Variants in PAPOLG observed in about 807,000 individuals in gnomAD.
PAPOLG encodes the protein PAP-gamma.
Under a neutral mutation model 99.0 loss-of-function variants are expected in PAPOLG, and 40 were observed. The ratio of observed to expected loss-of-function variants is 0.40; its 90% CI spans 0.31 to 0.53. The LOEUF (loss-of-function observed/expected upper bound fraction) is 0.53. PAPOLG is among the 20% of genes least tolerant of loss of function. The pLI is 0.41. For missense variants in PAPOLG, 675 were observed against 884.1 expected (o/e 0.76, Z 3.00); for synonymous variants, 310 against 299.3 (o/e 1.04, Z -0.37).
chr2:60,776,900 T>G (rs919871349), intron 8 of PAPOLG, among the ~76,000 whole-genome samples: 2 of 152,240 alleles, frequency 1.3e-5, no homozygotes, highest in Non-Finnish European at 2.9e-5. Context: ...TGTAGCCACC[T>G]TCATCAATGA....
At chr2:60,758,233 A>G (rs1670408587) in intron 1 of PAPOLG, among the ~76,000 whole-genome samples, 1 of 152,138 alleles carries the variant, frequency 6.6e-6, no homozygotes, top group Non-Finnish European at 1.5e-5. Flanking sequence ...AATCTTTAAA[A>G]AGAAATTACC....
At chr2:60,779,423 T>C in intron 8 of PAPOLG, 1 of 479,224 alleles carries the variant, frequency 2.1e-6, no homozygotes, top group East Asian at 3.2e-5. Flanking sequence ...TAGCAATTTA[T>C]GGTTTACTAA....
chr2:60,782,590 G>A (rs1436644440), intron 11 of PAPOLG, 96 bp from the exon 12 acceptor site: 2 of 1,351,822 alleles, frequency 1.5e-6, no homozygotes, highest in Non-Finnish European at 1.9e-6. Context: ...GTCTGGTGGA[G>A]TTTGAGATTT....
intron 10 of PAPOLG, 75 bp from the exon 11 acceptor site, chr2:60,781,810 C>T: frequency 1.9e-6 from 3 of 1,582,202 alleles, no homozygotes; most frequent in African/African-American, 1.3e-5. Flanking sequence ...TCATATTCTT[C>T]AGACTTTTGG....
rs1437646604 is a variant in PAPOLG, at chr2:60,801,661, A to ACTC, written c.*4504_*4506dup. The ACTC allele has an allele frequency of 1.3e-5, 2 of 151,624 alleles. No homozygotes were observed. The highest frequency in any genetic ancestry group is 2.4e-5 in the African/African-American group (1 of 41,214). 9.4% of individuals were successfully genotyped at this position (151,624 alleles called of 1,614,324 possible). On this transcript the variant is annotated 3_prime_UTR_variant, in exon 22 of 22. Transcript: ENST00000238714. Reference sequence around the variant, plus strand: ...AACATGTTGGCCAGGCTGGTCTCAAACTCCTGACCTCCAGTGATGCACCCG... The same window carrying ACTC: ...AACATGTTGGCCAGGCTGGTCTCAAACTCCTCCTGACCTCCAGTGATGCACCCG...
chr2:60,758,459 C>G (rs1316277316), intron 1 of PAPOLG, among the ~76,000 whole-genome samples: 1 of 130,218 alleles, frequency 7.7e-6, no homozygotes, highest in South Asian at 2.3e-4. Flanking sequence ...CGGAGTTTCG[C>G]TCTTGTTGCC....
intron 3 of PAPOLG, among the ~76,000 whole-genome samples, chr2:60,763,337 C>G (rs1011950093): frequency 1.3e-5 from 2 of 152,112 alleles, no homozygotes; most frequent in African/African-American, 4.8e-5. Context: ...TGACCTCAGC[C>G]TCCCAAAGTG....
chr2:60,758,062 A>G (rs1369532293), intron 1 of PAPOLG, among the ~76,000 whole-genome samples: 1 of 152,192 alleles, frequency 6.6e-6, no homozygotes, highest in Middle Eastern at 3.2e-3. Context: ...TATCTGTAAA[A>G]TGGCACTTAT....
At chr2:60,778,094 C>T (rs1461700944) in intron 8 of PAPOLG, among the ~76,000 whole-genome samples, 1 of 152,184 alleles carries the variant, frequency 6.6e-6, no homozygotes, top group East Asian at 1.9e-4. Context: ...AACTCAGTAT[C>T]TGTGAAGTGT....
At chr2:60,764,531 C>T (rs1261057100) in intron 3 of PAPOLG, among the ~76,000 whole-genome samples, 1 of 151,800 alleles carries the variant, frequency 6.6e-6, no homozygotes, top group African/African-American at 2.4e-5. Context: ...GTCCTCCCAA[C>T]CTCCCCACCT....
At chr2:60,756,972 C>T (rs761548203) in intron 1 of PAPOLG, among the ~76,000 whole-genome samples, 5 of 152,006 alleles carry the variant, frequency 3.3e-5, no homozygotes, top group Non-Finnish European at 5.9e-5. Context: ...GTCTTTTCAC[C>T]GCCGTCCCCA....
intron 13 of PAPOLG, among the ~76,000 whole-genome samples, chr2:60,783,500 C>CTTTTTTTTTTTTTTTTTTTTTTTTT (rs761205449): frequency 4.4e-5 from 2 of 45,362 alleles, no homozygotes; most frequent in Admixed American, 2.5e-4. Context: ...TTTACCCGGC[C>CTTTTTTTTTTTTTTTTTTTTTTTTT]TTTTTTTTTT....
At chr2:60,772,178 C>T (rs1354109877) in intron 7 of PAPOLG, among the ~76,000 whole-genome samples, 3 of 151,854 alleles carry the variant, frequency 2.0e-5, no homozygotes, top group Non-Finnish European at 4.4e-5. Context: ...GCGTGGTGGC[C>T]CACGCCTGTA....
At chr2:60,757,939 G>T (rs1367832943) in intron 1 of PAPOLG, among the ~76,000 whole-genome samples, 1 of 152,172 alleles carries the variant, frequency 6.6e-6, no homozygotes, top group Non-Finnish European at 1.5e-5. Flanking sequence ...AAAAAAGTGA[G>T]GCCCGTCATC....
At chr2:60,788,662 A>G (rs577323686) in intron 15 of PAPOLG, among the ~76,000 whole-genome samples, 86 of 152,234 alleles carry the variant, frequency 5.6e-4, no homozygotes, top group African/African-American at 2.0e-3. Context: ...AGCTCTTTGT[A>G]TGTACAACCG....
chr2:60,793,801 C>A, intron 18 of PAPOLG, 86 bp downstream of exon 18: 1 of 1,502,246 alleles, frequency 6.7e-7, no homozygotes, highest in Non-Finnish European at 9.0e-7. Context: ...GTCCTAGCTA[C>A]TGGGGAGGCT....
rs566903515 is a variant in PAPOLG at position 60,772,144 on chromosome 2, CAT to C, written c.604+518_604+519del. On this transcript the variant is annotated intron_variant, in intron 7 of 21. Transcript: ENST00000238714. ...GATTGTAATATTTTGTTTTGGTTAACATATAAGAATAAAATCTGGCCGGGCGT... is the reference window on the plus strand; with the variant it reads ...GATTGTAATATTTTGTTTTGGTTAACATAAGAATAAAATCTGGCCGGGCGT... 4.2e-4 allele frequency among the ~76,000 whole-genome samples: 64 copies of C among 151,712 alleles called. No homozygotes were observed. In the South Asian group the frequency reaches 0.012, roughly 29 times the overall value.
At chr2:60,793,947 T>A (rs768849501) in intron 18 of PAPOLG, 24 bp from the exon 19 acceptor site, 1 of 1,590,446 alleles carries the variant, frequency 6.3e-7, no homozygotes, top group Non-Finnish European at 8.6e-7. Context: ...GTTTAATTAT[T>A]AAAATCCTTT....
intron 10 of PAPOLG, 88 bp downstream of exon 10, chr2:60,780,867 T>C (rs1335056555): frequency 9.5e-7 from 1 of 1,056,822 alleles, no homozygotes; most frequent in Non-Finnish European, 1.5e-6. Context: ...TAGTTCCTCT[T>C]GTCTCTGTTC....
Sources: gnomAD v4.1 joint callset for allele counts (sites outside exome capture counted in the v4.1 genomes callset) on GRCh38, gnomAD v4.1.1 for gene constraint, MANE v1.5 for transcripts, NCBI Gene and HGNC (gene_info 2026-07-23, HGNC 2026-07-21) for gene names.